CHSY1: variants seen among roughly 807,000 people sequenced by gnomAD.
The protein encoded by CHSY1 is chondroitin sulfate synthase 1, also known as N-acetylgalactosaminyl-proteoglycan 3-beta-glucuronosyltransferase 1.
A neutral mutation model predicts 59.8 loss-of-function variants in CHSY1; 13 were observed. That is an observed-to-expected ratio of 0.22 (90% CI 0.14 to 0.35). CHSY1 has a LOEUF of 0.35. Among genes scored for constraint, CHSY1 ranks in the 10% least tolerant of loss-of-function variants. The pLI, the probability that CHSY1 is intolerant of heterozygous loss-of-function variation, is 1.00. For missense variants in CHSY1, 947 were observed against 1,030.6 expected, an observed-to-expected ratio of 0.92 and a Z score of 1.11; for synonymous variants, 459 against 401.2, an observed-to-expected ratio of 1.14 and a Z score of -1.72.
chr15:101,234,337 C>T (rs2141274712), intron 2 of CHSY1, among the ~76,000 whole-genome samples: 1 of 152,258 alleles, frequency 6.6e-6, no homozygotes, highest in Non-Finnish European at 1.5e-5. Context: ...TTTATAAATT[C>T]AAAACACGTT....
intron 1 of CHSY1, among the ~76,000 whole-genome samples, chr15:101,248,443 T>C (rs1014818082): frequency 6.6e-6 from 1 of 152,234 alleles, no homozygotes; most frequent in Non-Finnish European, 1.5e-5. Context: ...CCAGGCTCCA[T>C]GCACTCTGAC....
At chr15:101,226,802 T>C (rs1022698262) in intron 2 of CHSY1, among the ~76,000 whole-genome samples, 2 of 152,218 alleles carry the variant, frequency 1.3e-5, no homozygotes, top group African/African-American at 2.4e-5. Flanking sequence ...TTGTAACTAA[T>C]TGGTTGGAAG....
At chr15:101,200,581 T>C (rs1325579003) in intron 2 of CHSY1, among the ~76,000 whole-genome samples, 3 of 152,200 alleles carry the variant, frequency 2.0e-5, no homozygotes, top group African/African-American at 4.8e-5. Flanking sequence ...TAAGAACACC[T>C]GCCAGCCCCT....
At chr15:101,220,321 G>C (rs1378886796) in intron 2 of CHSY1, among the ~76,000 whole-genome samples, 1 of 151,944 alleles carries the variant, frequency 6.6e-6, no homozygotes. Flanking sequence ...CTCCCTAACT[G>C]CCCGTGTACT....
chr15:101,209,240 A>T (rs1378214151), intron 2 of CHSY1, among the ~76,000 whole-genome samples: 1 of 152,256 alleles, frequency 6.6e-6, no homozygotes, highest in Non-Finnish European at 1.5e-5. Context: ...CTTCTGTAGT[A>T]TCTGCACACT....
intron 1 of CHSY1, among the ~76,000 whole-genome samples, chr15:101,247,169 CTTCT>C (rs1275995007): frequency 3.3e-5 from 5 of 152,184 alleles, no homozygotes; most frequent in Non-Finnish European, 7.3e-5. Flanking sequence ...TAGCGAGCCC[CTTCT>C]TGGGGCTCTT....
At chr15:101,211,309 G>C (rs2038680383) in intron 2 of CHSY1, among the ~76,000 whole-genome samples, 1 of 152,214 alleles carries the variant, frequency 6.6e-6, no homozygotes, top group African/African-American at 2.4e-5. Context: ...GTGCGAAAGA[G>C]CGAGACTTAG....
chr15:101,183,101 G>C (rs952694614), intron 2 of CHSY1, among the ~76,000 whole-genome samples: 8 of 152,050 alleles, frequency 5.3e-5, no homozygotes, highest in African/African-American at 1.9e-4. Context: ...CAAAGGAGTA[G>C]AGTTTGAAGA....
intron 1 of CHSY1, among the ~76,000 whole-genome samples, chr15:101,236,935 T>C (rs2038949616): frequency 6.6e-6 from 1 of 151,590 alleles, no homozygotes; most frequent in South Asian, 2.1e-4. Flanking sequence ...TAGAGGCAAA[T>C]GTGGCCGGGG....
chr15:101,208,586 G>A (rs1360681031), intron 2 of CHSY1, among the ~76,000 whole-genome samples: 3 of 151,878 alleles, frequency 2.0e-5, no homozygotes, highest in African/African-American at 4.8e-5. Flanking sequence ...GGTGGCGGAC[G>A]CCTGTAATAC....
chr15:101,214,429 C>T lies in CHSY1; in HGVS notation c.816+20653G>A, dbSNP rs533789324. Among the ~76,000 whole-genome samples, 92 of 152,340 alleles carry T rather than the reference C, an allele frequency of 6.0e-4. 1 individual carries two copies. The highest frequency in any genetic ancestry group is 2.2e-3 in the African/African-American group (90 of 41,576). ...TGGACTAAAGTAAGATCTGCATCAA[C>T]GTCACTGCACAAGTTGTGTCTGCAT... On this transcript the variant is annotated intron_variant, in intron 2 of 2. Transcript: ENST00000254190.
intron 2 of CHSY1, among the ~76,000 whole-genome samples, chr15:101,193,470 C>A (rs1193153079): frequency 6.9e-6 from 1 of 144,358 alleles, no homozygotes; most frequent in Admixed American, 7.0e-5. Context: ...GGGCAAGGGG[C>A]CACACCCTGG....
At chr15:101,225,073 C>T (rs1214920318) in intron 2 of CHSY1, among the ~76,000 whole-genome samples, 1 of 152,346 alleles carries the variant, frequency 6.6e-6, no homozygotes, top group South Asian at 2.1e-4. Context: ...TTGATCCAGG[C>T]ACCCACCCTG....
rs545126099 is a variant in CHSY1 at position 101,183,051 on chromosome 15, A to G, written c.817-4071T>C. Among the ~76,000 whole-genome samples, 136 of 152,356 alleles carry G rather than the reference A, an allele frequency of 8.9e-4. 1 individual carries two copies. The South Asian group carries it at 0.011, about 12-fold the overall frequency. On this transcript the variant is annotated intron_variant, in intron 2 of 2. Transcript: ENST00000254190. The stretch of plus-strand genomic sequence containing the variant: ...ACAGAATGTGATAAACACGAAAATC[A>G]GAGGAAAAAACCCTTGAAACCAAAC...
At chr15:101,249,585 C>A (rs2039086938) in intron 1 of CHSY1, among the ~76,000 whole-genome samples, 1 of 135,934 alleles carries the variant, frequency 7.4e-6, no homozygotes, top group South Asian at 2.2e-4. Context: ...ATGATCTTGG[C>A]TCATTGCAAC....
chr15:101,230,737 T>C (rs2038885171), intron 2 of CHSY1, among the ~76,000 whole-genome samples: 1 of 152,196 alleles, frequency 6.6e-6, no homozygotes, highest in Admixed American at 6.5e-5. Context: ...AAGAACATTA[T>C]CCATTTCAGC....
chr15:101,205,935 G>C (rs963865262), intron 2 of CHSY1, among the ~76,000 whole-genome samples: 5 of 151,384 alleles, frequency 3.3e-5, no homozygotes, highest in African/African-American at 9.7e-5. Context: ...CTGGGCGAAA[G>C]AGAGAGACTC....
intron 2 of CHSY1, among the ~76,000 whole-genome samples, chr15:101,222,868 T>G (rs1236532377): frequency 2.6e-5 from 4 of 152,096 alleles, no homozygotes; most frequent in African/African-American, 9.7e-5. Context: ...TCCACTCCAT[T>G]CAGGAGCCTC....
chr15:101,219,823 A>G (rs1446182110), intron 2 of CHSY1, among the ~76,000 whole-genome samples: 1 of 152,102 alleles, frequency 6.6e-6, no homozygotes, highest in African/African-American at 2.4e-5. Flanking sequence ...CTGGAGTGCA[A>G]TGGCGTGATC....
Sources: gnomAD v4.1 joint callset for allele counts (sites outside exome capture counted in the v4.1 genomes callset) on GRCh38, gnomAD v4.1.1 for gene constraint, MANE v1.5 for transcripts, NCBI Gene and HGNC (gene_info 2026-07-23, HGNC 2026-07-21) for gene names.